The following AGAP1 variants were observed in gnomAD, a reference collection of about 807,000 sequenced individuals.
AGAP1 encodes ArfGAP with GTPase domain, ankyrin repeat and PH domain 1, also known as arf-GAP with GTPase, ANK repeat and PH domain-containing protein 1.
AGAP1 carries 29 observed loss-of-function variants against 105.3 expected under a neutral mutation model. That is an observed-to-expected ratio of 0.28 (90% CI 0.21 to 0.38). AGAP1 has a LOEUF of 0.38. AGAP1 is among the 10% of genes least tolerant of loss of function. The pLI is 1.00. For synonymous variants in AGAP1, 509 were observed against 485.9 expected (o/e 1.05, Z -0.63); for missense variants, 998 against 1,165.1 (o/e 0.86, Z 2.09).
At chr2:235,903,148 ATAT>A (rs1052033851) in intron 10 of AGAP1, among the ~76,000 whole-genome samples, 39 of 152,004 alleles carry the variant, frequency 2.6e-4, no homozygotes, top group Non-Finnish European at 5.0e-4. Flanking sequence ...TTAATATAAA[ATAT>A]TATATTTCTC....
At chr2:235,892,619 C>T (rs2050597501) in intron 10 of AGAP1, among the ~76,000 whole-genome samples, 1 of 151,958 alleles carries the variant, frequency 6.6e-6, no homozygotes, top group African/African-American at 2.4e-5. Flanking sequence ...AATAGCAGCT[C>T]GTGGCTGTGC....
At position 236,059,511 on chromosome 2, in the gene AGAP1, G is replaced by A. The variant is rs375817334; in HGVS notation, c.2114+10230G>A. On this transcript the variant is annotated intron_variant, in intron 16 of 17. Coordinates refer to ENST00000304032, the MANE Select transcript of AGAP1 (RefSeq NM_001037131.3). ...GTAAGAGACCGTCAAATATCAAAAC[G>A]GTCTTGAAAAAAGAATGAAGAAGTT... Among the ~76,000 whole-genome samples the A allele has an allele frequency of 5.1e-4, 78 of 152,148 alleles. 2 individuals carry two copies. In the East Asian group the frequency reaches 7.1e-3, roughly 14 times the overall value.
Position 236,036,197 on chromosome 2 carries a change from C to T in AGAP1, c.1646-364C>T, listed in dbSNP as rs192407392. On this transcript the variant is annotated intron_variant, in intron 13 of 17. Coordinates refer to ENST00000304032, the MANE Select transcript of AGAP1 (RefSeq NM_001037131.3). This position sits in a 1 kb window ranked among gnomAD's most constrained non-coding sequence, Gnocchi z 5.7. ...AATTAACCCTGCAGCCGGAGATTAG[C>T]GGCCCTAACTTAATTTTCGTCCCAC... Among the ~76,000 whole-genome samples, 220 of 152,300 alleles carry T rather than the reference C, an allele frequency of 1.4e-3. 2 individuals carry two copies. Among genetic ancestry groups the T allele is most frequent in the African/African-American group, 4.9e-3 (204 of 41,564 alleles).
At chr2:235,802,101 G>A (rs1957522320) in intron 8 of AGAP1, among the ~76,000 whole-genome samples, 1 of 152,074 alleles carries the variant, frequency 6.6e-6, no homozygotes, top group Admixed American at 6.5e-5. Context: ...TCTGCTCTGT[G>A]CACAGCCCTG....
intron 9 of AGAP1, among the ~76,000 whole-genome samples, chr2:235,851,179 C>A (rs2048431465): frequency 6.6e-6 from 1 of 152,228 alleles, no homozygotes; most frequent in Admixed American, 6.5e-5. Context: ...CACAGCCTGG[C>A]CTAGAGTGCA....
chr2:235,772,793 G>T (rs1955560570), intron 6 of AGAP1, among the ~76,000 whole-genome samples: 1 of 152,330 alleles, frequency 6.6e-6, no homozygotes, highest in African/African-American at 2.4e-5. Flanking sequence ...ACAGGCAGAG[G>T]CCGCCCTCGG....
intron 6 of AGAP1, among the ~76,000 whole-genome samples, chr2:235,794,321 T>C (rs1448568210): frequency 1.3e-5 from 2 of 152,202 alleles, no homozygotes; most frequent in African/African-American, 2.4e-5. Context: ...GTAATTAAAT[T>C]GGTAGTGTCA....
chr2:235,629,796 C>G (rs1156890023), intron 1 of AGAP1, among the ~76,000 whole-genome samples: 1 of 137,932 alleles, frequency 7.2e-6, no homozygotes, highest in Non-Finnish European at 1.5e-5. Context: ...GCCAGGAGGT[C>G]AAGACTGCAG....
chr2:235,972,471 C>T (rs6717028), intron 13 of AGAP1, among the ~76,000 whole-genome samples: 10,409 of 152,164 alleles, frequency 0.068, 1,161 homozygotes, highest in African/African-American at 0.24. Flanking sequence ...TGCAGAGATG[C>T]GGGGAGAAAG....
chr2:235,968,355 T>C (rs1262668373), intron 12 of AGAP1, 107 bp from the exon 13 acceptor site: 2 of 1,374,666 alleles, frequency 1.5e-6, no homozygotes, highest in South Asian at 1.5e-5. Flanking sequence ...TTGCAGGGCC[T>C]GTGTGGTATG....
intron 9 of AGAP1, among the ~76,000 whole-genome samples, chr2:235,825,146 C>CA (rs1226457230): frequency 6.6e-6 from 1 of 152,226 alleles, no homozygotes; most frequent in African/African-American, 2.4e-5. Flanking sequence ...AGACAGCCAT[C>CA]GTGGGTCAGA....
In AGAP1 at chr2:235,535,508, CATGAA is replaced by C. The variant is rs1439816777; in HGVS notation, c.163+40667_163+40671del. ...ATTTTGGATTTAAAAAAAAAAAAAA[CATGAA>C]ATGAAATCCGTGTCCTCTTTATCCT... On this transcript the variant is annotated intron_variant, in intron 1 of 17. Coordinates refer to ENST00000304032, the MANE Select transcript of AGAP1 (RefSeq NM_001037131.3). This position sits in a 1 kb window ranked among gnomAD's most constrained non-coding sequence, Gnocchi z 5.1. Among the ~76,000 whole-genome samples the C allele has an allele frequency of 5.7e-5, 8 of 141,234 alleles. No homozygotes were observed. Among genetic ancestry groups the C allele is most frequent in the Non-Finnish European group, 9.2e-5 (6 of 65,464 alleles). The allele number at this position is 141,234 out of a possible 152,430, so 92.7% of individuals were successfully genotyped here. A position where few individuals can be genotyped will look rare whatever the true frequency, so the allele number is the denominator to read the frequency against.
At chr2:236,072,112 G>GTCTTCGTT (rs1032991189) in intron 16 of AGAP1, among the ~76,000 whole-genome samples, 1 of 144,644 alleles carries the variant, frequency 6.9e-6, no homozygotes, top group African/African-American at 2.5e-5. Flanking sequence ...TCCAAAAGTA[G>GTCTTCGTT]TCTTCGTTGT....
Position 235,940,191 on chromosome 2 carries a change from A to G in AGAP1, c.1483+9268A>G, listed in dbSNP as rs111919409. Among the ~76,000 whole-genome samples, 1,416 of 152,108 alleles carry G rather than the reference A, an allele frequency of 9.3e-3. 12 individuals carry two copies. The highest frequency in any genetic ancestry group is 0.015 in the South Asian group (73 of 4,792). On this transcript the variant is annotated intron_variant, in intron 12 of 17. Coordinates refer to ENST00000304032, the MANE Select transcript of AGAP1 (RefSeq NM_001037131.3). ...GCTTGGTTCCCTCCACTTGACCTCCAAGAATACCAGCTGGGTTTGTCCTGT... is the reference window on the plus strand; with the variant it reads ...GCTTGGTTCCCTCCACTTGACCTCCGAGAATACCAGCTGGGTTTGTCCTGT...
intron 1 of AGAP1, among the ~76,000 whole-genome samples, chr2:235,579,865 C>G (rs1262223936): frequency 6.6e-6 from 1 of 152,230 alleles, no homozygotes; most frequent in Non-Finnish European, 1.5e-5. Flanking sequence ...TTTCATCACC[C>G]CCGCCCAGGG....
chr2:235,520,716 C>G (rs141282411), intron 1 of AGAP1, among the ~76,000 whole-genome samples: 28 of 152,204 alleles, frequency 1.8e-4, no homozygotes, highest in African/African-American at 6.5e-4. Flanking sequence ...GAGTACCTTT[C>G]GGGTCATGTA....
Position 235,865,690 on chromosome 2 carries a change from A to G in AGAP1, c.1051-17655A>G, listed in dbSNP as rs1210908779. Among the ~76,000 whole-genome samples, 1 of 152,288 alleles carries G rather than the reference A, an allele frequency of 6.6e-6. No homozygotes were observed. The highest frequency in any genetic ancestry group is 1.9e-4 in the East Asian group (1 of 5,184). On this transcript the variant is annotated intron_variant, in intron 9 of 17. Transcript: ENST00000304032. The surrounding 1 kb of genome is among the most constrained non-coding windows in gnomAD (Gnocchi z 6.2). ...GAGGGGCAGGGCGGGAAATATTACT[A>G]TTTTAAAAAGCTCAGTTAAGGGGGG...
At chr2:235,713,516 G>T (rs761939130) in intron 2 of AGAP1, among the ~76,000 whole-genome samples, 7 of 152,166 alleles carry the variant, frequency 4.6e-5, no homozygotes, top group Non-Finnish European at 8.8e-5. Flanking sequence ...TCTGCATTAC[G>T]CAGGGATTCA....
chr2:235,990,396 C>T (rs181391046), intron 13 of AGAP1, among the ~76,000 whole-genome samples: 18 of 152,166 alleles, frequency 1.2e-4, no homozygotes, highest in African/African-American at 4.1e-4. Flanking sequence ...GTGTCTGCCT[C>T]GTGATGTTTG....
Sources: gnomAD v4.1 joint callset for allele counts (sites outside exome capture counted in the v4.1 genomes callset) on GRCh38, gnomAD v4.1.1 for gene constraint, Gnocchi (gnomAD v3.1) non-coding constraint, MANE v1.5 for transcripts, NCBI Gene and HGNC (gene_info 2026-07-23, HGNC 2026-07-21) for gene names.